Variants in DNMT1 observed in about 807,000 individuals in gnomAD.
DNMT1 encodes DNA (cytosine-5)-methyltransferase 1.
Under a neutral mutation model 205.3 loss-of-function variants are expected in DNMT1, and 24 were observed. The ratio of observed to expected loss-of-function variants is 0.12; its 90% CI spans 0.08 to 0.16. The LOEUF is 0.16. DNMT1 is among the 10% of genes least tolerant of loss of function. DNMT1 has a pLI of 1.00. For missense variants in DNMT1, 1,293 were observed against 2,177.7 expected, an observed-to-expected ratio of 0.59 and a Z score of 8.09; for synonymous variants, 817 against 839.8, an observed-to-expected ratio of 0.97 and a Z score of 0.47.
At chr19:10,173,266 C>T in intron 8 of DNMT1, 92 bp from the exon 9 acceptor site, 13 of 1,267,830 alleles carry the variant, frequency 1.0e-5, no homozygotes, top group Non-Finnish European at 1.5e-5. Flanking sequence ...CCCCCAAAAG[C>T]AATCTTCATT....
chr19:10,142,248 G>A, intron 29 of DNMT1, 28 bp from the exon 30 acceptor site: 1 of 1,613,522 alleles, frequency 6.2e-7, no homozygotes, highest in Non-Finnish European at 8.5e-7. Context: ...CTCGTTAGGA[G>A]CTCTCCTTTG....
chr19:10,146,424 A>C lies in DNMT1; in HGVS notation c.2821T>G (p.Ser941Ala), dbSNP rs747445212. 55 of 1,614,044 alleles carry C rather than the reference A, an allele frequency of 3.4e-5. 1 individual carries two copies. The South Asian group carries it at 5.4e-4, about 16-fold the overall frequency. The change falls in exon 28 of 41, where the codon TCA (serine) becomes GCA (alanine). Residue 941 changes from serine to alanine, a missense_variant. Around this residue, in one of 13 missense-constraint regions of DNMT1, gnomAD observed 112 missense variants for 116.6 expected, o/e 0.96. Transcript: ENST00000359526. This position sits in a 1 kb window ranked among gnomAD's most constrained non-coding sequence, Gnocchi z 4.4. Reference sequence around the variant, plus strand: ...TACAGGATGCCGTTCTTGGTGGCTGAGTAGTAGAGGACCCGGCTATCCAGG... The same window carrying C: ...TACAGGATGCCGTTCTTGGTGGCTGCGTAGTAGAGGACCCGGCTATCCAGG... Reference protein sequence around the residue: ...EDLDSRVLYYSATKNGILYRV... With the variant: ...EDLDSRVLYYAATKNGILYRV...
chr19:10,157,070 C>T (rs570596873), intron 17 of DNMT1, among the ~76,000 whole-genome samples: 2 of 152,232 alleles, frequency 1.3e-5, no homozygotes, highest in Admixed American at 6.6e-5. Flanking sequence ...CGGGAAATAC[C>T]GGTTTCTAGA....
Position 10,180,433 on chromosome 19 carries a change from C to T in DNMT1, c.362G>A (p.Gly121Glu), listed in dbSNP as rs1397430053. 1 of 1,614,168 alleles carries T rather than the reference C, an allele frequency of 6.2e-7. No individual in the cohort carries two copies. ...NQARSEARRV[G>E]MADANSPPKP... is the part of the protein sequence containing the mutation. ...GGGGGGGCTGTTGGCATCTGCCATT[C>T]CCACTCTACGGGCTTCACTTCTTGC... is the stretch of plus-strand genomic sequence containing the variant. The change falls in exon 4 of 41, where the codon GGA becomes GAA. Residue 121 changes from glycine (G) to glutamate (E), a missense_variant. By Grantham distance (98) the Gly-to-Glu change is moderately conservative. Transcript: ENST00000359526.
intron 1 of DNMT1, among the ~76,000 whole-genome samples, chr19:10,190,737 C>T (rs2145408396): frequency 6.7e-6 from 1 of 150,188 alleles, no homozygotes; most frequent in East Asian, 2.0e-4. Flanking sequence ...TGCACTCCAG[C>T]CTGGGCGACA....
At position 10,159,540 on chromosome 19, in the gene DNMT1, G is replaced by T; in HGVS notation, c.1280+118C>A. The T allele has an allele frequency of 6.6e-6, 7 of 1,064,042 alleles. No homozygotes were observed. Among genetic ancestry groups the T allele is most frequent in the Non-Finnish European group, 9.9e-6 (7 of 709,290 alleles). The allele number at this position is 1,064,042 out of a possible 1,614,324, so 65.9% of individuals were successfully genotyped here. ...GGTGGCTCTTATCCACGAAGTGTTA[G>T]CTTAAGACATGTTGCAGGTCAGGCA... On this transcript the variant is annotated intron_variant, in intron 17 of 40. Transcript: ENST00000359526. This position sits in a 1 kb window ranked among gnomAD's most constrained non-coding sequence, Gnocchi z 5.0.
intron 24 of DNMT1, 123 bp from the exon 25 acceptor site, chr19:10,150,091 G>A (rs948449436): frequency 4.7e-6 from 4 of 849,950 alleles, no homozygotes; most frequent in Admixed American, 3.9e-5. Flanking sequence ...TCAATGAAGA[G>A]TTGCTGCTAA....
At chr19:10,183,017 A>G (rs546188678) in intron 1 of DNMT1, among the ~76,000 whole-genome samples, 21 of 150,430 alleles carry the variant, frequency 1.4e-4, no homozygotes, top group South Asian at 1.0e-3. Context: ...GTATATATAC[A>G]TATATATGTG....
At chr19:10,134,673 G>A (rs2089440331) in intron 39 of DNMT1, among the ~76,000 whole-genome samples, 1 of 152,044 alleles carries the variant, frequency 6.6e-6, no homozygotes, top group South Asian at 2.1e-4. Context: ...CGCCAACATG[G>A]TGAAACCCCG....
chr19:10,188,148 A>G (rs1309416881), intron 1 of DNMT1, among the ~76,000 whole-genome samples: 1 of 152,154 alleles, frequency 6.6e-6, no homozygotes, highest in Admixed American at 6.6e-5. Flanking sequence ...ATAGTGGACC[A>G]TGCAAGACAA....
intron 28 of DNMT1, among the ~76,000 whole-genome samples, chr19:10,145,001 G>A (rs1278568022): frequency 6.6e-6 from 1 of 152,194 alleles, no homozygotes; most frequent in Non-Finnish European, 1.5e-5. Flanking sequence ...ACCCAGTCCA[G>A]CTTCTGTGGT....
Position 10,151,925 on chromosome 19 carries a change from C to G in DNMT1, c.2020-78G>C, listed in dbSNP as rs564055377. On this transcript the variant is annotated intron_variant, in intron 22 of 40. Transcript: ENST00000359526. This position sits in a 1 kb window ranked among gnomAD's most constrained non-coding sequence, Gnocchi z 5.0. ...CTGTAATCCCAGTATTTCAGAAGGC[C>G]GAGGCAGGCAGATCACTTAAGGTCA... 3 of 1,405,076 alleles carry G rather than the reference C, an allele frequency of 2.1e-6. No individual in the cohort carries two copies. The East Asian group carries it at 6.9e-5, about 32-fold the overall frequency. 87.0% of individuals were successfully genotyped at this position (1,405,076 alleles called of 1,614,324 possible).
chr19:10,162,544 A>T, intron 13 of DNMT1, 123 bp downstream of exon 13: 2 of 1,006,706 alleles, frequency 2.0e-6, no homozygotes, highest in Non-Finnish European at 2.9e-6. Flanking sequence ...TGCTGGGATT[A>T]CAGGCGTGCG....
intron 34 of DNMT1, 106 bp downstream of exon 34, chr19:10,139,570 T>C: frequency 2.0e-6 from 3 of 1,521,162 alleles, no homozygotes; most frequent in Non-Finnish European, 2.6e-6. Context: ...GCTGCCTGGA[T>C]GGCAGGCCTA....
intron 39 of DNMT1, chr19:10,135,486 C>T (rs186711992): frequency 1.9e-4 from 100 of 539,816 alleles, no homozygotes; most frequent in Non-Finnish European, 2.7e-4. Flanking sequence ...TCCTTTAGCG[C>T]GACGGACTGT....
intron 1 of DNMT1, among the ~76,000 whole-genome samples, chr19:10,183,568 A>G (rs2039122518): frequency 1.3e-5 from 2 of 152,168 alleles, no homozygotes; most frequent in Non-Finnish European, 2.9e-5. Context: ...AAATACAAAA[A>G]TTAGTGGCTG....
At chr19:10,143,007 G>C (rs2089633302) in intron 29 of DNMT1, 1 of 153,660 alleles carries the variant, frequency 6.5e-6, no homozygotes, top group Admixed American at 6.5e-5. Context: ...CAAGTGTATA[G>C]CTTCCTGTAC....
chr19:10,175,692 A>T, intron 6 of DNMT1, 74 bp from the exon 7 acceptor site: 1 of 1,373,194 alleles, frequency 7.3e-7, no homozygotes, highest in Non-Finnish European at 1.0e-6. Context: ...GTGGACCCTC[A>T]TTCACCAGGA....
chr19:10,133,541 T>A lies in DNMT1; in HGVS notation c.*126A>T. 9.1e-7 allele frequency: 1 copy of A among 1,103,974 alleles called. No individual in the cohort carries two copies. The highest frequency in any genetic ancestry group is 1.3e-6 in the Non-Finnish European group (1 of 744,320). The allele number at this position is 1,103,974 out of a possible 1,614,324, so 68.4% of individuals were successfully genotyped here. ...AAGCGAACCTCACACAACAGCTTCA[T>A]GTCAGCCAAGGCCACAAACACCATG... On this transcript the variant is annotated 3_prime_UTR_variant, in exon 41 of 41. Transcript: ENST00000359526. The surrounding 1 kb of genome is among the most constrained non-coding windows in gnomAD (Gnocchi z 4.1).
Sources: allele counts gnomAD v4.1 joint callset (sites outside exome capture counted in the v4.1 genomes callset), GRCh38; gene constraint gnomAD v4.1.1; regional missense constraint gnomAD v4.1.1; non-coding constraint Gnocchi (gnomAD v3.1); transcripts MANE v1.5; gene names NCBI Gene and HGNC (gene_info 2026-07-23, HGNC 2026-07-21).